The following DCAF1 variants were observed in gnomAD, a reference collection of about 807,000 sequenced individuals.
DCAF1 encodes DDB1 and CUL4 associated factor 1, also known as DDB1- and CUL4-associated factor 1.
In DCAF1, 15 loss-of-function variants were observed where a neutral mutation model predicts 128.0. The observed-to-expected ratio is 0.12, with a 90% CI of 0.08 to 0.18. The LOEUF is 0.18. Among genes scored for constraint, DCAF1 ranks in the 10% least tolerant of loss-of-function variants. DCAF1 has a pLI of 1.00. For missense variants in DCAF1, 988 were observed against 1,649.5 expected (o/e 0.60, Z 6.95); for synonymous variants, 610 against 603.0 (o/e 1.01, Z -0.17).
At chr3:51,499,333 G>A (rs1352252832) in intron 1 of DCAF1, among the ~76,000 whole-genome samples, 5 of 152,198 alleles carry the variant, frequency 3.3e-5, no homozygotes, top group African/African-American at 1.2e-4. Context: ...GGAGCGCCCG[G>A]AAAGCTCCGC....
chr3:51,476,521 C>G (rs1450118963), intron 3 of DCAF1, among the ~76,000 whole-genome samples: 1 of 63,442 alleles, frequency 1.6e-5, no homozygotes, highest in African/African-American at 6.2e-5. Context: ...AATGGTCTTA[C>G]AAAAAAAAAA....
At chr3:51,457,799 T>A (rs1703087108) in intron 6 of DCAF1, among the ~76,000 whole-genome samples, 1 of 152,180 alleles carries the variant, frequency 6.6e-6, no homozygotes, top group Admixed American at 6.5e-5. Context: ...CAGAATCTCA[T>A]ATCCAGCCAA....
At position 51,463,128 on chromosome 3, in the gene DCAF1, C is replaced by T. The variant is rs781785714; in HGVS notation, c.361G>A (p.Val121Ile). 3.8e-6 allele frequency: 6 copies of T among 1,592,438 alleles called. No homozygotes were observed. The highest frequency in any genetic ancestry group is 4.5e-5 in the East Asian group (2 of 44,010). The change falls in exon 6 of 25, where the codon GTC becomes ATC. Residue 121 changes from valine to isoleucine, a missense_variant. Val to Ile is a conservative substitution (Grantham distance 29). Around this residue, in one of 11 missense-constraint regions of DCAF1, gnomAD observed 210 missense variants for 260.2 expected, o/e 0.81. Transcript: ENST00000684031. ...DIMPGLETAV[V>I]FQEKEGIVEN... is the part of the protein sequence containing the mutation. Reference sequence around the variant, plus strand: ...TCACTAAGTACCTTTTCTTGAAAGACGACAGCAGTTTCCAGCCCTGGCATG... The same window carrying T: ...TCACTAAGTACCTTTTCTTGAAAGATGACAGCAGTTTCCAGCCCTGGCATG...
chr3:51,478,827 C>A (rs139698021), intron 3 of DCAF1, among the ~76,000 whole-genome samples: 214 of 152,156 alleles, frequency 1.4e-3, no homozygotes, highest in Non-Finnish European at 2.5e-3. Context: ...CAGTTAAAAT[C>A]CAGTTTCTGC....
At chr3:51,461,607 T>G (rs554081686) in intron 6 of DCAF1, among the ~76,000 whole-genome samples, 7 of 152,182 alleles carry the variant, frequency 4.6e-5, no homozygotes, top group East Asian at 3.9e-4. Context: ...AAAGACACAT[T>G]CACACGTATG....
chr3:51,478,969 A>G (rs947504975), intron 3 of DCAF1, among the ~76,000 whole-genome samples: 1 of 152,194 alleles, frequency 6.6e-6, no homozygotes, highest in African/African-American at 2.4e-5. Flanking sequence ...TCTCCATAAA[A>G]AGAGATCACT....
chr3:51,435,885 A>G (rs1290340768), intron 9 of DCAF1, among the ~76,000 whole-genome samples: 1 of 152,190 alleles, frequency 6.6e-6, no homozygotes, highest in Non-Finnish European at 1.5e-5. Context: ...AGACAAAAAT[A>G]AAGTTGCCAA....
chr3:51,479,087 C>T (rs1189797457), intron 3 of DCAF1, among the ~76,000 whole-genome samples: 4 of 152,146 alleles, frequency 2.6e-5, no homozygotes, highest in Non-Finnish European at 5.9e-5. Context: ...CACCCCTCCC[C>T]AGCCTTTACT....
intron 2 of DCAF1, 30 bp from the exon 3 acceptor site, chr3:51,483,866 AC>A (rs782727981): frequency 2.7e-6 from 4 of 1,468,158 alleles, no homozygotes; most frequent in Non-Finnish European, 3.8e-6. Context: ...AATAAAAAAG[AC>A]AACCAATAAA....
chr3:51,447,859 A>C (rs1350852067), intron 6 of DCAF1, among the ~76,000 whole-genome samples: 1 of 152,014 alleles, frequency 6.6e-6, no homozygotes, highest in Non-Finnish European at 1.5e-5. Context: ...GAGGCAGGAG[A>C]ATTGCTTGAA....
chr3:51,499,407 G>A (rs1708591363), intron 1 of DCAF1, among the ~76,000 whole-genome samples: 1 of 152,186 alleles, frequency 6.6e-6, no homozygotes, highest in African/African-American at 2.4e-5. Flanking sequence ...CGAGAGACGG[G>A]AGAGCCCGCC....
At chr3:51,500,786 G>A (rs1318743720), upstream of DCAF1, among the ~76,000 whole-genome samples, 3 of 149,294 alleles carry the variant, frequency 2.0e-5, no homozygotes, top group African/African-American at 7.4e-5. Context: ...CCTGGGCTGA[G>A]TTCTCCCAGC....
chr3:51,478,157 C>T (rs1705714259), intron 3 of DCAF1, among the ~76,000 whole-genome samples: 1 of 152,058 alleles, frequency 6.6e-6, no homozygotes, highest in South Asian at 2.1e-4. Context: ...GCACGTGCCA[C>T]CACGCCTGGC....
downstream of DCAF1, chr3:51,396,027 T>C (rs1349603652): frequency 4.1e-5 from 17 of 412,382 alleles, no homozygotes; most frequent in Non-Finnish European, 7.1e-5. Flanking sequence ...CTTGTCCTGT[T>C]GCAGGCACAC....
intron 6 of DCAF1, among the ~76,000 whole-genome samples, chr3:51,461,692 G>A (rs1469446020): frequency 6.6e-6 from 1 of 152,128 alleles, no homozygotes; most frequent in African/African-American, 2.4e-5. Flanking sequence ...ACTGGATTAA[G>A]AAAATATGGC....
At chr3:51,459,158 C>T (rs749885381) in intron 6 of DCAF1, among the ~76,000 whole-genome samples, 123 of 151,912 alleles carry the variant, frequency 8.1e-4, no homozygotes, top group Non-Finnish European at 1.5e-3. Flanking sequence ...ATTGATAGAC[C>T]GCTAGCAAGA....
At chr3:51,484,827 C>T (rs1161029979) in intron 2 of DCAF1, among the ~76,000 whole-genome samples, 11 of 150,938 alleles carry the variant, frequency 7.3e-5, no homozygotes, top group South Asian at 2.1e-4. Context: ...GAATTACAGG[C>T]GCCCGCCACC....
intron 6 of DCAF1, 68 bp from the exon 7 acceptor site, chr3:51,443,971 G>A: frequency 1.4e-6 from 2 of 1,451,944 alleles, no homozygotes; most frequent in Non-Finnish European, 1.8e-6. Context: ...AATAAGCAAA[G>A]ATTTCAGTCT....
intron 9 of DCAF1, among the ~76,000 whole-genome samples, chr3:51,437,061 G>A (rs7648963): frequency 0.19 from 29,525 of 151,816 alleles, 3,246 homozygotes; most frequent in South Asian, 0.37. Context: ...TCAGGAGTTC[G>A]AGACCAGCCT....
Sources: allele counts gnomAD v4.1 joint callset (sites outside exome capture counted in the v4.1 genomes callset), GRCh38; gene constraint gnomAD v4.1.1; regional missense constraint gnomAD v4.1.1; transcripts MANE v1.5; gene names NCBI Gene and HGNC (gene_info 2026-07-23, HGNC 2026-07-21).